SDK2: variants seen among roughly 807,000 people sequenced by gnomAD.
The protein encoded by SDK2 is sidekick cell adhesion molecule 2, also known as protein sidekick-2.
A neutral mutation model predicts 253.9 loss-of-function variants in SDK2; 105 were observed. The ratio of observed to expected loss-of-function variants is 0.41; its 90% CI spans 0.35 to 0.49. SDK2 has a LOEUF of 0.49. Among genes scored for constraint, SDK2 ranks in the 20% least tolerant of loss-of-function variants. SDK2 has a pLI of 0.06. For synonymous variants in SDK2, 1,249 were observed against 1,234.9 expected (o/e 1.01, Z -0.24); for missense variants, 2,608 against 3,003.0 (o/e 0.87, Z 3.07).
At position 73,629,956 on chromosome 17, in the gene SDK2, G is replaced by A. The variant is rs773230178; in HGVS notation, c.64+14069C>T. 3.9e-5 allele frequency among the ~76,000 whole-genome samples: 6 copies of A among 152,104 alleles called. No homozygotes were observed. The highest frequency in any genetic ancestry group is 1.5e-4 in the African/African-American group (6 of 41,374). On this transcript the variant is annotated intron_variant, in intron 1 of 44. Transcript: ENST00000392650. The surrounding 1 kb of genome is among the most constrained non-coding windows in gnomAD (Gnocchi z 5.0). ...AGGACAGGAGGGGCAAGAGCCTCCT[G>A]AAGGAAGAAGTGAAGAATGAGTGCT...
At chr17:73,539,911 C>T (rs575788397) in intron 1 of SDK2, among the ~76,000 whole-genome samples, 120 of 151,950 alleles carry the variant, frequency 7.9e-4, no homozygotes, top group Non-Finnish European at 1.5e-3. Context: ...GAGACGGGGT[C>T]ATGCAGCTGT....
intron 1 of SDK2, among the ~76,000 whole-genome samples, chr17:73,565,106 G>A (rs2045293901): frequency 6.6e-6 from 1 of 152,214 alleles, no homozygotes; most frequent in South Asian, 2.1e-4. Context: ...GCTAAATCCA[G>A]ATAGAAAATC....
At chr17:73,638,250 C>T (rs933543316) in intron 1 of SDK2, among the ~76,000 whole-genome samples, 2 of 152,168 alleles carry the variant, frequency 1.3e-5, no homozygotes, top group African/African-American at 4.8e-5. Context: ...TCATATTATG[C>T]TGACTCCTCC....
intron 44 of SDK2, among the ~76,000 whole-genome samples, chr17:73,345,636 C>T (rs1009679957): frequency 3.3e-5 from 5 of 152,114 alleles, no homozygotes; most frequent in African/African-American, 1.2e-4. Context: ...CCACGTACCA[C>T]ACAGAGTCTT....
intron 16 of SDK2, among the ~76,000 whole-genome samples, chr17:73,417,446 A>G (rs1191689315): frequency 1.3e-5 from 2 of 152,082 alleles, no homozygotes; most frequent in Non-Finnish European, 2.9e-5. Context: ...TGGATTATCA[A>G]CCGTGAGGGG....
At chr17:73,516,120 C>G (rs1345453942) in intron 1 of SDK2, among the ~76,000 whole-genome samples, 2 of 152,224 alleles carry the variant, frequency 1.3e-5, no homozygotes, top group African/African-American at 4.8e-5. Context: ...CCAAATTCAG[C>G]CCCCTCAATG....
At chr17:73,461,067 C>T (rs1396881551) in intron 3 of SDK2, among the ~76,000 whole-genome samples, 1 of 152,220 alleles carries the variant, frequency 6.6e-6, no homozygotes, top group Non-Finnish European at 1.5e-5. Context: ...TCCCTCCCTG[C>T]CTCCTTCCTG....
In SDK2 at chr17:73,355,159, C is replaced by CATATATATATATATATAT. The variant is rs1555750469; in HGVS notation, c.5594-2523_5594-2522insATATATATATATATATAT. ...TTTGAGCCTCTGCCTCCTACACCTC[C>CATATATATATATATATAT]ATATATATATATATATTTTTTTTTT... On this transcript the variant is annotated intron_variant, in intron 40 of 44. Coordinates refer to ENST00000392650, the MANE Select transcript of SDK2 (RefSeq NM_001144952.2). Among the ~76,000 whole-genome samples, 61 of 48,562 alleles carry CATATATATATATATATAT rather than the reference C, an allele frequency of 1.3e-3. 4 individuals carry two copies. The highest frequency in any genetic ancestry group is 5.7e-3 in the African/African-American group (43 of 7,514). 31.9% of individuals were successfully genotyped at this position (48,562 alleles called of 152,430 possible). A position where few individuals can be genotyped will look rare whatever the true frequency, so the allele number is the denominator to read the frequency against.
intron 43 of SDK2, among the ~76,000 whole-genome samples, chr17:73,349,425 T>C (rs1271054955): frequency 5.3e-5 from 8 of 152,136 alleles, no homozygotes; most frequent in South Asian, 2.1e-4. Context: ...GGAATGCCAA[T>C]AGGGCTGAGG....
Position 73,338,429 on chromosome 17 carries a change from C to T in SDK2, c.*158G>A, listed in dbSNP as rs192841531. On this transcript the variant is annotated 3_prime_UTR_variant, in exon 45 of 45. Coordinates refer to ENST00000392650, the MANE Select transcript of SDK2 (RefSeq NM_001144952.2). This position sits in a 1 kb window ranked among gnomAD's most constrained non-coding sequence, Gnocchi z 5.0. ...TCACGGTTTTCTCCCTCCTTCTGAA[C>T]GCCGGCTTTGCTGGCCCTGGAATCT... 2.4e-5 allele frequency: 17 copies of T among 702,288 alleles called. No individual in the cohort carries two copies. Among genetic ancestry groups the T allele is most frequent in the African/African-American group, 8.7e-5 (5 of 57,234 alleles). The allele number at this position is 702,288 out of a possible 1,614,324, so 43.5% of individuals were successfully genotyped here.
At chr17:73,419,914 G>T (rs1486355264) in intron 15 of SDK2, among the ~76,000 whole-genome samples, 2 of 151,834 alleles carry the variant, frequency 1.3e-5, no homozygotes, top group African/African-American at 4.8e-5. Context: ...CATGTTTTTG[G>T]TGCCGTTGAG....
At chr17:73,602,504 GAA>G (rs1297032836) in intron 1 of SDK2, among the ~76,000 whole-genome samples, 1 of 144,516 alleles carries the variant, frequency 6.9e-6, no homozygotes, top group African/African-American at 2.6e-5. Flanking sequence ...ATGGATGGAA[GAA>G]AAAAAAAGTC....
chr17:73,512,982 GA>G (rs2063992907), intron 1 of SDK2, among the ~76,000 whole-genome samples: 1 of 151,960 alleles, frequency 6.6e-6, no homozygotes, highest in Non-Finnish European at 1.5e-5. Context: ...TTTTAAACAT[GA>G]AAAATGAAAT....
At chr17:73,422,177 C>G in intron 15 of SDK2, 110 bp downstream of exon 15, 1 of 1,236,324 alleles carries the variant, frequency 8.1e-7, no homozygotes, top group South Asian at 1.4e-5. Context: ...GAGGCGGAAG[C>G]CTAGAGGGGG....
rs1276637721 is a variant in SDK2, at chr17:73,496,480, G to C, written c.224+10958C>G. ...GGCATGGGCACGAGGGCATGAAAGA[G>C]CAGAGACCACGGGTGCACGATGCGT... On this transcript the variant is annotated intron_variant, in intron 2 of 44. Transcript: ENST00000392650. This position sits in a 1 kb window ranked among gnomAD's most constrained non-coding sequence, Gnocchi z 4.7. Among the ~76,000 whole-genome samples, 1 of 152,198 alleles carries C rather than the reference G, an allele frequency of 6.6e-6. No individual in the cohort carries two copies. The highest frequency in any genetic ancestry group is 1.5e-5 in the Non-Finnish European group (1 of 68,040).
chr17:73,565,179 G>C (rs1555604189), intron 1 of SDK2, among the ~76,000 whole-genome samples: 1 of 152,234 alleles, frequency 6.6e-6, no homozygotes, highest in Non-Finnish European at 1.5e-5. Context: ...GTTGGAAGTT[G>C]AGGGCAGGAA....
intron 3 of SDK2, among the ~76,000 whole-genome samples, chr17:73,460,246 C>A (rs2145671488): frequency 6.6e-6 from 1 of 152,294 alleles, no homozygotes; most frequent in East Asian, 1.9e-4. Context: ...GTGGGAGCAG[C>A]CCACATGGAG....
chr17:73,605,582 C>A (rs1037681496), intron 1 of SDK2, among the ~76,000 whole-genome samples: 17 of 152,088 alleles, frequency 1.1e-4, no homozygotes, highest in Non-Finnish European at 2.1e-4. Context: ...TTTTCCTGCT[C>A]TCCTTTCCTG....
At chr17:73,353,296 C>T (rs1015954811) in intron 40 of SDK2, among the ~76,000 whole-genome samples, 9 of 152,196 alleles carry the variant, frequency 5.9e-5, no homozygotes, top group African/African-American at 2.2e-4. Flanking sequence ...TGGTTGGAAA[C>T]ATGATTTTAA....
Sources: allele counts gnomAD v4.1 joint callset (sites outside exome capture counted in the v4.1 genomes callset), GRCh38; gene constraint gnomAD v4.1.1; non-coding constraint Gnocchi (gnomAD v3.1); transcripts MANE v1.5; gene names NCBI Gene and HGNC (gene_info 2026-07-23, HGNC 2026-07-21).